The following USP34 variants were observed in gnomAD, a reference collection of about 807,000 sequenced individuals.
The protein encoded by USP34 is ubiquitin carboxyl-terminal hydrolase 34.
In USP34, 70 loss-of-function variants were observed where a neutral mutation model predicts 460.3. The ratio of observed to expected loss-of-function variants is 0.15; its 90% CI spans 0.13 to 0.19. The LOEUF is 0.19. Among genes scored for constraint, USP34 ranks in the 10% least tolerant of loss-of-function variants. The pLI, the probability that USP34 is intolerant of heterozygous loss-of-function variation, is 1.00. For missense variants in USP34, 3,985 were observed against 4,236.2 expected, an observed-to-expected ratio of 0.94 and a Z score of 1.65; for synonymous variants, 1,647 against 1,405.3, an observed-to-expected ratio of 1.17 and a Z score of -3.85.
chr2:61,239,937 G>T (rs1381341308), intron 53 of USP34, among the ~76,000 whole-genome samples: 1 of 147,562 alleles, frequency 6.8e-6, no homozygotes, highest in African/African-American at 2.5e-5. Flanking sequence ...CATGAACCCA[G>T]AAGGTGGAGC....
intron 8 of USP34, among the ~76,000 whole-genome samples, chr2:61,378,108 G>C (rs968408238): frequency 6.6e-6 from 1 of 152,152 alleles, no homozygotes; most frequent in Non-Finnish European, 1.5e-5. Flanking sequence ...GGGAACTTGA[G>C]GCTGTAGTGA....
chr2:61,412,285 G>C (rs780886581), intron 2 of USP34, among the ~76,000 whole-genome samples: 1 of 103,666 alleles, frequency 9.6e-6, no homozygotes, highest in Non-Finnish European at 2.1e-5. Flanking sequence ...AATACAAAAA[G>C]GAAAAAAAGA....
At chr2:61,432,970 A>G (rs1316127790) in intron 1 of USP34, among the ~76,000 whole-genome samples, 2 of 152,252 alleles carry the variant, frequency 1.3e-5, no homozygotes, top group Non-Finnish European at 2.9e-5. Flanking sequence ...AATACATTCA[A>G]GATATTAGAT....
At chr2:61,249,986 G>A (rs984280214) in intron 48 of USP34, 3 of 162,894 alleles carry the variant, frequency 1.8e-5, no homozygotes, top group Non-Finnish European at 4.0e-5. Context: ...GGTGGCTCAC[G>A]CCTGTAATAC....
At chr2:61,315,043 A>T in intron 23 of USP34, 69 bp from the exon 24 acceptor site, 1 of 1,200,308 alleles carries the variant, frequency 8.3e-7, no homozygotes. Context: ...AGACTGAAGT[A>T]TCAAAAGTAA....
intron 1 of USP34, among the ~76,000 whole-genome samples, chr2:61,440,518 A>ATTT (rs1229533998): frequency 7.1e-6 from 1 of 140,324 alleles, no homozygotes; most frequent in South Asian, 2.3e-4. Context: ...CCCTTTTTAA[A>ATTT]TTTTTTTTTT....
intron 41 of USP34, among the ~76,000 whole-genome samples, chr2:61,274,453 A>C (rs1360392537): frequency 1.3e-5 from 2 of 152,030 alleles, no homozygotes; most frequent in African/African-American, 4.8e-5. Context: ...GAAAAAAAAA[A>C]AAAACTTGCA....
In USP34 at chr2:61,333,609, G is replaced by A. The variant is rs111566865; in HGVS notation, c.2834+273C>T. 6.8e-3 allele frequency among the ~76,000 whole-genome samples: 1,040 copies of A among 152,178 alleles called. 10 individuals carry two copies. Among genetic ancestry groups the A allele is most frequent in the African/African-American group, 0.024 (999 of 41,550 alleles). On this transcript the variant is annotated intron_variant, in intron 19 of 79. Coordinates refer to ENST00000398571, the MANE Select transcript of USP34 (RefSeq NM_014709.4). ...GGCTCTTCTTCAAAAGTACTCTGCT[G>A]TAGCTGCATACGCTAAAAATCTCCC...
intron 3 of USP34, among the ~76,000 whole-genome samples, chr2:61,402,725 A>G (rs1693758799): frequency 6.6e-6 from 1 of 152,238 alleles, no homozygotes; most frequent in Non-Finnish European, 1.5e-5. Flanking sequence ...AAGAAAGGAT[A>G]GCACAGCAGC....
chr2:61,328,055 G>GGGAGGC (rs943563802), intron 20 of USP34, among the ~76,000 whole-genome samples: 6 of 152,110 alleles, frequency 3.9e-5, no homozygotes, highest in African/African-American at 1.2e-4. Flanking sequence ...CTAGCACTTT[G>GGGAGGC]GGAGGCGGAG....
intron 35 of USP34, among the ~76,000 whole-genome samples, chr2:61,284,166 A>G (rs190858450): frequency 6.6e-6 from 1 of 152,382 alleles, no homozygotes; most frequent in East Asian, 1.9e-4. Context: ...ATTGACTGAA[A>G]TAAGTAAACC....
At chr2:61,340,941 G>A (rs948207982) in intron 16 of USP34, among the ~76,000 whole-genome samples, 1 of 148,042 alleles carries the variant, frequency 6.8e-6, no homozygotes, top group Non-Finnish European at 1.5e-5. Flanking sequence ...ATATAATCAA[G>A]ATGGAGAACG....
chr2:61,398,891 G>A (rs1023763329), intron 3 of USP34, among the ~76,000 whole-genome samples: 14 of 152,242 alleles, frequency 9.2e-5, no homozygotes, highest in African/African-American at 3.1e-4. Flanking sequence ...TATGACAACC[G>A]GGGCCAGAGG....
chr2:61,432,027 G>A (rs556590687), intron 1 of USP34, among the ~76,000 whole-genome samples: 3 of 151,678 alleles, frequency 2.0e-5, no homozygotes, highest in South Asian at 2.1e-4. Context: ...TAAGAATTAC[G>A]TATGAATTTA....
intron 20 of USP34, among the ~76,000 whole-genome samples, chr2:61,330,222 A>G (rs1034964971): frequency 6.6e-6 from 1 of 152,190 alleles, no homozygotes; most frequent in Non-Finnish European, 1.5e-5. Context: ...ACTCATTTCT[A>G]AAGTAAAACG....
chr2:61,313,144 G>A (rs919333109), intron 25 of USP34, among the ~76,000 whole-genome samples: 1 of 151,624 alleles, frequency 6.6e-6, no homozygotes, highest in Admixed American at 6.6e-5. Flanking sequence ...TATTGTACTA[G>A]TAACAAAAAA....
chr2:61,202,163 C>T (rs1194494630), intron 75 of USP34, among the ~76,000 whole-genome samples: 2 of 152,164 alleles, frequency 1.3e-5, no homozygotes, highest in Admixed American at 1.3e-4. Context: ...CTTTCTTCTT[C>T]TTGGATAATG....
chr2:61,228,139 GT>G (rs1297643513), intron 61 of USP34, among the ~76,000 whole-genome samples: 2 of 152,214 alleles, frequency 1.3e-5, no homozygotes. Context: ...TGTCTCATCT[GT>G]TAAATGGAGA....
rs373248688 is a variant in USP34 at position 61,274,606 on chromosome 2, G to A, written c.5433+3559C>T. On this transcript the variant is annotated intron_variant, in intron 41 of 79. Transcript: ENST00000398571. ...CACAAATGGCTTTCAAACACTTGAAGGGAAGTTCAGCCTTACTAATAAAAA... is the reference window on the plus strand; with the variant it reads ...CACAAATGGCTTTCAAACACTTGAAAGGAAGTTCAGCCTTACTAATAAAAA... Among the ~76,000 whole-genome samples the A allele has an allele frequency of 2.0e-5, 3 of 152,160 alleles. 1 individual carries two copies. The South Asian group carries it at 6.2e-4, about 32-fold the overall frequency.
Sources: allele counts gnomAD v4.1 joint callset (sites outside exome capture counted in the v4.1 genomes callset), GRCh38; gene constraint gnomAD v4.1.1; transcripts MANE v1.5; gene names NCBI Gene and HGNC (gene_info 2026-07-23, HGNC 2026-07-21).